PCSK2: variants seen among roughly 807,000 people sequenced by gnomAD.
PCSK2 encodes the protein proprotein convertase subtilisin/kexin type 2, also known as neuroendocrine convertase 2.
In PCSK2, 14 loss-of-function variants were observed where a neutral mutation model predicts 69.7. That is an observed-to-expected ratio of 0.20 (90% confidence interval 0.13 to 0.31). The LOEUF is 0.31. Ranked by LOEUF, PCSK2 falls within the 10% of genes least tolerant of loss-of-function variation. The pLI is 1.00. For missense variants in PCSK2, 544 were observed against 842.5 expected (o/e 0.65, Z 4.39); for synonymous variants, 307 against 320.7 (o/e 0.96, Z 0.46).
intron 2 of PCSK2, among the ~76,000 whole-genome samples, chr20:17,298,928 C>T (rs1988986911): frequency 1.3e-5 from 2 of 152,050 alleles, no homozygotes; most frequent in Admixed American, 6.5e-5. Flanking sequence ...TTATCTTACC[C>T]GTTTACCTAT....
intron 1 of PCSK2, among the ~76,000 whole-genome samples, chr20:17,248,175 G>GGTGTGTGTGTGTGTGT (rs10640964): frequency 4.8e-5 from 7 of 144,372 alleles, no homozygotes; most frequent in African/African-American, 1.8e-4. Context: ...TATAAAAAAG[G>GGTGTGTGTGTGTGTGT]GTGTGTGTGT....
chr20:17,287,279 CACAATAGACATCGAAGGCT>C (rs1347979754), intron 2 of PCSK2, among the ~76,000 whole-genome samples: 2 of 152,138 alleles, frequency 1.3e-5, no homozygotes, highest in African/African-American at 4.8e-5. Context: ...CAGACAAAGT[CACAATAGACATCGAAGGCT>C]ACTGGCGGGG....
intron 5 of PCSK2, among the ~76,000 whole-genome samples, chr20:17,381,398 A>T (rs2031083739): frequency 6.6e-6 from 1 of 152,202 alleles, no homozygotes; most frequent in Non-Finnish European, 1.5e-5. Context: ...AGATGTTTTC[A>T]TTAAGCTATG....
Position 17,248,011 on chromosome 20 carries a change from C to T in PCSK2, c.178-12229C>T, listed in dbSNP as rs16990229. Among the ~76,000 whole-genome samples, 1,261 of 152,246 alleles carry T rather than the reference C, an allele frequency of 8.3e-3. 40 individuals are homozygous for T. The East Asian group carries it at 0.12, about 14-fold the overall frequency. ...CATTTTTGTGGCATAATGAGAATTT[C>T]TAAAAACTCTGCAAGTCTGACTTAG... is the stretch of plus-strand genomic sequence containing the variant. On this transcript the variant is annotated intron_variant, in intron 1 of 11. Coordinates refer to ENST00000262545, the MANE Select transcript of PCSK2 (RefSeq NM_002594.5).
At chr20:17,293,383 G>C (rs1988764093) in intron 2 of PCSK2, among the ~76,000 whole-genome samples, 1 of 152,182 alleles carries the variant, frequency 6.6e-6, no homozygotes, top group African/African-American at 2.4e-5. Context: ...ATAGCTGTCA[G>C]TGTGGACATC....
rs60206058 is a variant in PCSK2, at chr20:17,428,997, C to CAAAA, written c.621-409_621-406dup. Among the ~76,000 whole-genome samples the CAAAA allele has an allele frequency of 9.1e-3, 337 of 36,944 alleles. 53 individuals are homozygous for CAAAA. Among genetic ancestry groups the CAAAA allele is most frequent in the African/African-American group, 0.036 (198 of 5,474 alleles). The allele number at this position is 36,944 out of a possible 152,430, so 24.2% of individuals were successfully genotyped here. On this transcript the variant is annotated intron_variant, in intron 6 of 11. Coordinates refer to ENST00000262545, the MANE Select transcript of PCSK2 (RefSeq NM_002594.5). ...CTGGGTGACCGAGGAGACTCTGTCT[C>CAAAA]AAAAAAAAAAAAAAAAAAAAAAAAA...
intron 2 of PCSK2, among the ~76,000 whole-genome samples, chr20:17,353,654 A>G (rs2030088834): frequency 6.6e-6 from 1 of 152,182 alleles, no homozygotes; most frequent in Admixed American, 6.5e-5. Context: ...ATATACTCAA[A>G]GAAAAATAAA....
chr20:17,260,447 T>A, intron 2 of PCSK2, 103 bp downstream of exon 2: 1 of 751,484 alleles, frequency 1.3e-6, no homozygotes, highest in Non-Finnish European at 2.4e-6. Flanking sequence ...TAAAGGCACT[T>A]AATGTACTAT....
At chr20:17,393,040 C>T (rs924568823) in intron 5 of PCSK2, among the ~76,000 whole-genome samples, 1 of 152,158 alleles carries the variant, frequency 6.6e-6, no homozygotes, top group East Asian at 1.9e-4. Flanking sequence ...GTTCAGAATG[C>T]TTTACTCTGT....
rs572411289 is a variant in PCSK2, at chr20:17,445,441, A to G, written c.886-8301A>G. On this transcript the variant is annotated intron_variant, in intron 8 of 11. Transcript: ENST00000262545. Reference sequence around the variant, plus strand: ...AAAGACAAGGCTACAAAAATTCTCTAAGGTACAGATGAGACAGCGCATTGA... The same window carrying G: ...AAAGACAAGGCTACAAAAATTCTCTGAGGTACAGATGAGACAGCGCATTGA... Among the ~76,000 whole-genome samples, 3 of 152,358 alleles carry G rather than the reference A, an allele frequency of 2.0e-5. No individual in the cohort carries two copies. The East Asian group carries it at 5.8e-4, about 29-fold the overall frequency.
intron 6 of PCSK2, among the ~76,000 whole-genome samples, chr20:17,421,343 C>G (rs1015448015): frequency 6.6e-6 from 1 of 152,158 alleles, no homozygotes; most frequent in African/African-American, 2.4e-5. Context: ...TCACCTGTCA[C>G]CTATTCTAAC....
intron 5 of PCSK2, among the ~76,000 whole-genome samples, chr20:17,397,487 T>TA (rs370237370): frequency 0.24 from 5,954 of 25,050 alleles, 399 homozygotes; most frequent in African/African-American, 0.37. Flanking sequence ...ATTCAATATA[T>TA]TTTTTTTTTT....
At chr20:17,263,225 AT>A in intron 2 of PCSK2, 1 of 591,062 alleles carries the variant, frequency 1.7e-6, no homozygotes, top group Non-Finnish European at 2.1e-6. Context: ...GTAACAACTA[AT>A]TTTTATGCTA....
At chr20:17,416,984 G>T (rs1172238933) in intron 6 of PCSK2, among the ~76,000 whole-genome samples, 1 of 152,084 alleles carries the variant, frequency 6.6e-6, no homozygotes, top group African/African-American at 2.4e-5. Context: ...AGAACACTTG[G>T]ACACAGGGCG....
In PCSK2 at chr20:17,391,607, C is replaced by A. The variant is rs750386886; in HGVS notation, c.544-17656C>A. On this transcript the variant is annotated intron_variant, in intron 5 of 11. Coordinates refer to ENST00000262545, the MANE Select transcript of PCSK2 (RefSeq NM_002594.5). ...ACTAGTGGAGGCTGGAAGGCCAAGA[C>A]CTGGGCTAGTGCTGGGAAAAGGAAG... Among the ~76,000 whole-genome samples the A allele has an allele frequency of 8.5e-4, 129 of 152,236 alleles. 1 individual carries two copies. The highest frequency in any genetic ancestry group is 1.4e-3 in the Non-Finnish European group (97 of 68,018).
chr20:17,402,315 C>T (rs1177403517), intron 5 of PCSK2, among the ~76,000 whole-genome samples: 2 of 152,236 alleles, frequency 1.3e-5, no homozygotes, highest in Non-Finnish European at 2.9e-5. Context: ...TTTAGAACCT[C>T]TCCCAAGTCT....
intron 2 of PCSK2, among the ~76,000 whole-genome samples, chr20:17,299,811 C>A (rs1471092896): frequency 6.6e-6 from 1 of 152,112 alleles, no homozygotes; most frequent in Non-Finnish European, 1.5e-5. Context: ...TTACTGATAT[C>A]AAATCATTTC....
intron 5 of PCSK2, among the ~76,000 whole-genome samples, chr20:17,377,031 A>G (rs1474702086): frequency 6.6e-6 from 1 of 152,186 alleles, no homozygotes; most frequent in East Asian, 1.9e-4. Flanking sequence ...GCATGATACT[A>G]AGGAAAGAGA....
intron 5 of PCSK2, among the ~76,000 whole-genome samples, chr20:17,378,357 G>T (rs2030988343): frequency 6.6e-6 from 1 of 152,118 alleles, no homozygotes; most frequent in Non-Finnish European, 1.5e-5. Flanking sequence ...CTGGAGATTT[G>T]CTTCCACCTA....
Sources: gnomAD v4.1 joint callset for allele counts (sites outside exome capture counted in the v4.1 genomes callset) on GRCh38, gnomAD v4.1.1 for gene constraint, MANE v1.5 for transcripts, NCBI Gene and HGNC (gene_info 2026-07-23, HGNC 2026-07-21) for gene names.